Variants in AHNAK observed in about 807,000 individuals in gnomAD.
AHNAK encodes the protein AHNAK nucleoprotein, also known as neuroblast differentiation-associated protein AHNAK.
A neutral mutation model predicts 37.8 loss-of-function variants in AHNAK; 23 were observed. The observed-to-expected ratio is 0.61, with a 90% CI of 0.44 to 0.86. The LOEUF (loss-of-function observed/expected upper bound fraction) is 0.86. Ranked by LOEUF, AHNAK falls within the 40% of genes least tolerant of loss-of-function variation. AHNAK has a pLI of 0.00. For synonymous variants in AHNAK, 2,481 were observed against 2,636.3 expected, an observed-to-expected ratio of 0.94 and a Z score of 1.80; for missense variants, 7,411 against 7,319.4, an observed-to-expected ratio of 1.01 and a Z score of -0.46.
At chr11:62,478,076 G>T (rs187038011) in intron 5 of AHNAK, among the ~76,000 whole-genome samples, 5 of 152,128 alleles carry the variant, frequency 3.3e-5, no homozygotes, top group Non-Finnish European at 7.4e-5. Flanking sequence ...ATTCCTCTCC[G>T]CAGGACTCAG....
At chr11:62,488,565 ATTTT>A (rs57544040) in intron 5 of AHNAK, among the ~76,000 whole-genome samples, 1 of 133,962 alleles carries the variant, frequency 7.5e-6, no homozygotes, top group African/African-American at 2.9e-5. Flanking sequence ...TGCCCAGCTA[ATTTT>A]TTTTTTTTTT....
chr11:62,438,783 TG>T (rs1423112968), intron 5 of AHNAK, among the ~76,000 whole-genome samples: 3 of 152,168 alleles, frequency 2.0e-5, no homozygotes, highest in African/African-American at 7.2e-5. Flanking sequence ...CTTTTAGTCT[TG>T]CTTTATGTGG....
intron 4 of AHNAK, among the ~76,000 whole-genome samples, chr11:62,501,254 G>T (rs1939707233): frequency 6.6e-6 from 1 of 151,882 alleles, no homozygotes; most frequent in Non-Finnish European, 1.5e-5. Context: ...CAGTCTCAAT[G>T]CCTCAAATTC....
chr11:62,511,034 T>G (rs1298770248), downstream of AHNAK, among the ~76,000 whole-genome samples: 1 of 152,150 alleles, frequency 6.6e-6, no homozygotes, highest in African/African-American at 2.4e-5. Flanking sequence ...AAGCAGGACA[T>G]GTATATAAGC....
rs771860162 is a variant in AHNAK at position 62,523,415 on chromosome 11, C to T, written c.11002G>A (p.Ala3668Thr). The T allele has an allele frequency of 1.9e-6, 3 of 1,612,608 alleles. No individual in the cohort carries two copies. The East Asian group carries it at 6.7e-5, about 36-fold the overall frequency. The change falls in exon 5 of 5, where the codon GCC becomes ACC. Residue 3668 changes from alanine to threonine, a missense_variant. Coordinates refer to ENST00000378024, the MANE Select transcript of AHNAK (RefSeq NM_001620.3). Reference protein sequence around the residue: ...KFKMPEMNIKAPKISMPDFDL... With the variant: ...KFKMPEMNIKTPKISMPDFDL... Reference sequence around the variant, plus strand: ...AAGTCAGGCATGGAGATCTTGGGGGCTTTGATGTTCATCTCAGGCATCTTG... The same window carrying T: ...AAGTCAGGCATGGAGATCTTGGGGGTTTTGATGTTCATCTCAGGCATCTTG...
rs1001411588 is a variant in AHNAK at position 62,534,794 on chromosome 11, T to A, written c.342+209A>T. On this transcript the variant is annotated intron_variant, in intron 4 of 4. Coordinates refer to ENST00000378024, the MANE Select transcript of AHNAK (RefSeq NM_001620.3). ...CTGTGGCCGCTCTGAAGAGACTGAT[T>A]GAAGACATTTAGAGGGAGCACAGCC... Among the ~76,000 whole-genome samples, 18 of 152,210 alleles carry A rather than the reference T, an allele frequency of 1.2e-4. No individual in the cohort carries two copies. The South Asian group carries it at 1.5e-3, about 12-fold the overall frequency.
In AHNAK at chr11:62,523,498, A is replaced by C; in HGVS notation, c.10919T>G (p.Val3640Gly). ...TTCAATATTCACGTCTGGAACATCA[A>C]CGTCTACATTGGGACCAGAAATGTC... The part of the protein sequence containing the change: ...DIDISGPNVD[V>G]DVPDVNIEGP... Residue 3640 changes from valine (V) to glycine (G), a missense_variant, in exon 5 of 5, where the codon GTT (valine) becomes GGT (glycine). Physicochemically the swap from Val to Gly is moderately radical, Grantham distance 109. Transcript: ENST00000378024. 1.2e-6 allele frequency: 2 copies of C among 1,613,956 alleles called. No homozygotes were observed. The highest frequency in any genetic ancestry group is 1.7e-6 in the Non-Finnish European group (2 of 1,179,996).
At chr11:62,458,744 T>C (rs1298568024) in intron 5 of AHNAK, among the ~76,000 whole-genome samples, 2 of 152,030 alleles carry the variant, frequency 1.3e-5, no homozygotes, top group African/African-American at 4.8e-5. Context: ...CTGGTTCTGT[T>C]TCCTCAAGGT....
rs753174864 is a variant in AHNAK, at chr11:62,520,856, T to C, written c.13561A>G (p.Met4521Val). ...DVHFKSPQIS[M>V]SDIDLNLKGP... ...TTCAAATTCAAATCAATGTCACTCA[T>C]GGAGATTTGTGGGCTTTTGAAATGT... Residue 4521 changes from methionine (M) to valine (V), a missense_variant, in exon 5 of 5, where the codon ATG becomes GTG. Transcript: ENST00000378024. 3.7e-6 allele frequency: 6 copies of C among 1,614,190 alleles called. No homozygotes were observed. The highest frequency in any genetic ancestry group is 5.1e-6 in the Non-Finnish European group (6 of 1,180,032).
chr11:62,525,992 C>T lies in AHNAK; in HGVS notation c.8425G>A (p.Val2809Met), dbSNP rs768107768. The change falls in exon 5 of 5, where the codon GTG becomes ATG. Residue 2809 changes from valine to methionine, a missense_variant. Val to Met is a conservative substitution (Grantham distance 21). Transcript: ENST00000378024. ...TTTCCTTCAGGTCCTTCGATATTCA[C>T]ATCGGGACATTCAACATCCACTTTC... ...GPKVDVECPD[V>M]NIEGPEGKWK... The T allele has an allele frequency of 2.8e-5, 45 of 1,613,934 alleles. No individual in the cohort carries two copies. The South Asian group carries it at 4.8e-4, about 17-fold the overall frequency.
intron 5 of AHNAK, among the ~76,000 whole-genome samples, chr11:62,490,197 CTT>C (rs944550481): frequency 7.8e-5 from 9 of 115,926 alleles, no homozygotes; most frequent in African/African-American, 2.4e-4. Flanking sequence ...TTTTCTTTTT[CTT>C]TTTTTTTTTT....
At chr11:62,535,905 C>G in intron 3 of AHNAK, 40 bp downstream of exon 3, 1 of 1,580,374 alleles carries the variant, frequency 6.3e-7, no homozygotes, top group African/African-American at 1.4e-5. Context: ...CACCGACCCC[C>G]CAACCACCAG....
Position 62,532,605 on chromosome 11 carries a change from A to T in AHNAK, c.1812T>A (p.Asp604Glu), listed in dbSNP as rs542957763. The change falls in exon 5 of 5, where the codon GAT (aspartate) becomes GAA (glutamate). Residue 604 changes from aspartate to glutamate, a missense_variant. Physicochemically the swap from Asp to Glu is conservative, Grantham distance 45 (BLOSUM62 2). Coordinates refer to ENST00000378024, the MANE Select transcript of AHNAK (RefSeq NM_001620.3). ...VEGKVKVPEV[D>E]VRGPKVDVSA... ...TGACATCCACTTTGGGGCCTCTGAC[A>T]TCAACTTCAGGGACTTTGACTTTCC... The T allele has an allele frequency of 6.2e-7, 1 of 1,614,142 alleles. No homozygotes were observed. Among genetic ancestry groups the T allele is most frequent in the Non-Finnish European group, 8.5e-7 (1 of 1,180,030 alleles).
At chr11:62,461,367 A>G (rs1026467502) in intron 5 of AHNAK, among the ~76,000 whole-genome samples, 79 of 150,670 alleles carry the variant, frequency 5.2e-4, no homozygotes, top group Non-Finnish European at 8.9e-4. Context: ...GATGGTCTCG[A>G]TCTCTTGACC....
At chr11:62,466,962 G>A (rs1023316560) in intron 5 of AHNAK, among the ~76,000 whole-genome samples, 1 of 152,152 alleles carries the variant, frequency 6.6e-6, no homozygotes, top group African/African-American at 2.4e-5. Flanking sequence ...TGATCCCTAA[G>A]TATCTCTTTT....
chr11:62,467,012 T>G (rs1938925470), intron 5 of AHNAK, among the ~76,000 whole-genome samples: 1 of 152,210 alleles, frequency 6.6e-6, no homozygotes, highest in Admixed American at 6.5e-5. Context: ...GCCTAGATCA[T>G]TCCTTGCAGC....
At chr11:62,470,713 G>A (rs1458183490) in intron 5 of AHNAK, among the ~76,000 whole-genome samples, 1 of 151,986 alleles carries the variant, frequency 6.6e-6, no homozygotes, top group Non-Finnish European at 1.5e-5. Flanking sequence ...GTCCGACAGT[G>A]ATCATCCCAG....
At chr11:62,465,872 G>A (rs1938900867) in intron 5 of AHNAK, among the ~76,000 whole-genome samples, 1 of 152,142 alleles carries the variant, frequency 6.6e-6, no homozygotes, top group African/African-American at 2.4e-5. Flanking sequence ...ACCTTTCAGA[G>A]GGAACATGAC....
chr11:62,495,455 G>A (rs1444972310), intron 4 of AHNAK, among the ~76,000 whole-genome samples: 2 of 152,084 alleles, frequency 1.3e-5, no homozygotes, highest in East Asian at 1.9e-4. Flanking sequence ...GTAATAGGCC[G>A]GGGACAGTGA....
Sources: gnomAD v4.1 joint callset for allele counts (sites outside exome capture counted in the v4.1 genomes callset) on GRCh38, gnomAD v4.1.1 for gene constraint, MANE v1.5 for transcripts, NCBI Gene and HGNC (gene_info 2026-07-23, HGNC 2026-07-21) for gene names.